The following TENT2 variants were observed in gnomAD, a reference collection of about 807,000 sequenced individuals.
The protein encoded by TENT2 is poly(A) RNA polymerase GLD2.
A neutral mutation model predicts 72.2 loss-of-function variants in TENT2; 44 were observed. The observed-to-expected ratio is 0.61, with a 90% CI of 0.48 to 0.78. The LOEUF is 0.78. TENT2 is among the 30% of genes least tolerant of loss of function. The probability of loss-of-function intolerance (pLI) is 0.00; values close to 1 mark genes in which losing one functional copy is unlikely to be tolerated. For missense variants in TENT2, 541 were observed against 569.6 expected, an observed-to-expected ratio of 0.95 and a Z score of 0.51; for synonymous variants, 212 against 192.5, an observed-to-expected ratio of 1.10 and a Z score of -0.84.
intron 1 of TENT2, among the ~76,000 whole-genome samples, chr5:79,617,926 T>C (rs139982963): frequency 1.5e-3 from 235 of 152,298 alleles, no homozygotes; most frequent in African/African-American, 5.5e-3. Flanking sequence ...ACATGTAACT[T>C]TTTTACTGTG....
intron 13 of TENT2, among the ~76,000 whole-genome samples, 156 bp downstream of exon 13, chr5:79,679,826 T>A (rs1820324643): frequency 6.6e-6 from 1 of 152,192 alleles, no homozygotes; most frequent in Non-Finnish European, 1.5e-5. Context: ...TCATTTAAAA[T>A]TTTTTAGGTA....
chr5:79,679,405 G>T (rs1315428964), intron 12 of TENT2, among the ~76,000 whole-genome samples, 174 bp from the exon 13 acceptor site: 1 of 151,376 alleles, frequency 6.6e-6, no homozygotes, highest in Non-Finnish European at 1.5e-5. Context: ...GATGATAAGT[G>T]TTGTGGAAAA....
At chr5:79,649,024 A>G in intron 9 of TENT2, 38 bp from the exon 10 acceptor site, 1 of 1,599,226 alleles carries the variant, frequency 6.3e-7, no homozygotes, top group Non-Finnish European at 8.6e-7. Flanking sequence ...AGAAACTATA[A>G]CGTCTCTTAC....
chr5:79,624,515 C>T (rs1452498853), intron 4 of TENT2, among the ~76,000 whole-genome samples: 1 of 152,100 alleles, frequency 6.6e-6, no homozygotes, highest in African/African-American at 2.4e-5. Context: ...TGCAACTGTA[C>T]TATCTGATTC....
intron 12 of TENT2, among the ~76,000 whole-genome samples, chr5:79,676,611 AAG>A: frequency 6.6e-6 from 1 of 152,194 alleles, no homozygotes; most frequent in African/African-American, 2.4e-5. Context: ...AGAATGGCTA[AAG>A]AGAGTTTATT....
At chr5:79,664,606 AAAAAG>A (rs1206941134) in intron 11 of TENT2, among the ~76,000 whole-genome samples, 2 of 151,896 alleles carry the variant, frequency 1.3e-5, no homozygotes, top group African/African-American at 4.8e-5. Flanking sequence ...AAAAAAAAAA[AAAAAG>A]AGGTTAACAA....
intron 4 of TENT2, 122 bp from the exon 5 acceptor site, chr5:79,640,729 A>G (rs1380846837): frequency 3.8e-6 from 2 of 531,888 alleles, no homozygotes; most frequent in South Asian, 3.3e-5. Flanking sequence ...GGGAAATATT[A>G]AGAAGATAAT....
At chr5:79,639,477 GT>G (rs368927693) in intron 4 of TENT2, among the ~76,000 whole-genome samples, 186 of 145,158 alleles carry the variant, frequency 1.3e-3, no homozygotes, top group Middle Eastern at 3.5e-3. Flanking sequence ...AGTGAAGGTG[GT>G]TTTTTTTTTT....
chr5:79,627,542 A>G (rs1771376355), intron 4 of TENT2, among the ~76,000 whole-genome samples: 1 of 152,094 alleles, frequency 6.6e-6, no homozygotes, highest in Non-Finnish European at 1.5e-5. Context: ...CTCAAGTGTA[A>G]TGGCACAATC....
intron 12 of TENT2, among the ~76,000 whole-genome samples, chr5:79,677,742 CATT>C (rs924407678): frequency 9.2e-5 from 14 of 152,186 alleles, no homozygotes; most frequent in South Asian, 2.1e-4. Context: ...CCCCTCTTCA[CATT>C]GTTGTTGTAA....
Position 79,648,314 on chromosome 5 carries a change from GA to G in TENT2, c.822-292del, listed in dbSNP as rs963937048. Among the ~76,000 whole-genome samples, 37 of 142,814 alleles carry G rather than the reference GA, an allele frequency of 2.6e-4. 1 individual carries two copies. Among genetic ancestry groups the G allele is most frequent in the South Asian group, 8.8e-4 (4 of 4,534 alleles). 93.7% of individuals were successfully genotyped at this position (142,814 alleles called of 152,430 possible). On this transcript the variant is annotated intron_variant, in intron 8 of 14. Transcript: ENST00000453514. The stretch of plus-strand genomic sequence containing the variant: ...CAGAGCGAGACTCCATCTCTTTAAA[GA>G]AAAAAAAAAAGATTTAAAAATTTTA...
At chr5:79,679,165 A>G (rs371372487) in intron 12 of TENT2, among the ~76,000 whole-genome samples, 4 of 152,044 alleles carry the variant, frequency 2.6e-5, no homozygotes, top group East Asian at 3.9e-4. Context: ...CAGCCTCCCA[A>G]AGTGCTGAGA....
intron 12 of TENT2, among the ~76,000 whole-genome samples, chr5:79,673,612 A>AT (rs1481461015): frequency 3.6e-4 from 55 of 151,914 alleles, no homozygotes; most frequent in African/African-American, 1.2e-3. Flanking sequence ...AGATGTATGG[A>AT]TTTATTTTGG....
At chr5:79,656,576 A>G (rs965501569) in intron 10 of TENT2, among the ~76,000 whole-genome samples, 8 of 151,952 alleles carry the variant, frequency 5.3e-5, no homozygotes, top group Non-Finnish European at 1.0e-4. Flanking sequence ...TTAAAATTGT[A>G]GTTTTTGATT....
At chr5:79,635,721 A>AT (rs1779580235) in intron 4 of TENT2, among the ~76,000 whole-genome samples, 1 of 152,016 alleles carries the variant, frequency 6.6e-6, no homozygotes, top group African/African-American at 2.4e-5. Context: ...CACCTGGCTA[A>AT]TTTTTTGTAT....
At chr5:79,667,125 C>A (rs1211286404) in intron 11 of TENT2, among the ~76,000 whole-genome samples, 1 of 152,056 alleles carries the variant, frequency 6.6e-6, no homozygotes, top group East Asian at 1.9e-4. Flanking sequence ...TAATTGCTGA[C>A]CTTTTTCTTT....
Position 79,666,414 on chromosome 5 carries a change from G to A in TENT2, c.1072-2478G>A, listed in dbSNP as rs572400935. The stretch of plus-strand genomic sequence containing the variant: ...GCGATAAGGTCTTGCTCAAGCTGGA[G>A]TGCAGTGGTGCAATGATGAGCCCTC... On this transcript the variant is annotated intron_variant, in intron 11 of 14. Coordinates refer to ENST00000453514, the MANE Select transcript of TENT2 (RefSeq NM_001114394.3). Among the ~76,000 whole-genome samples, 6 of 151,032 alleles carry A rather than the reference G, an allele frequency of 4.0e-5. No individual in the cohort carries two copies. In the South Asian group the frequency reaches 6.3e-4, roughly 16 times the overall value.
At position 79,687,018 on chromosome 5, in the gene TENT2, C is replaced by A. The variant is rs1826257805; in HGVS notation, c.*1745C>A. ...ACTTTCAGGGATGGGTAAGTATGTACCCTCTGCCTCTACAGTATTATGACA... is the reference window on the plus strand; with the variant it reads ...ACTTTCAGGGATGGGTAAGTATGTAACCTCTGCCTCTACAGTATTATGACA... On this transcript the variant is annotated 3_prime_UTR_variant, in exon 15 of 15. Transcript: ENST00000453514. Among the ~76,000 whole-genome samples the A allele has an allele frequency of 6.6e-6, 1 of 152,070 alleles. No homozygotes were observed.
chr5:79,685,237 T>C lies in TENT2; in HGVS notation c.1419T>C (p.Ser473=), dbSNP rs796584202. 1.9e-6 allele frequency: 3 copies of C among 1,605,572 alleles called. No individual in the cohort carries two copies. Among genetic ancestry groups the C allele is most frequent in the East Asian group, 2.2e-5 (1 of 44,658 alleles). The change falls in exon 15 of 15, where the codon AGT becomes AGC. Residue 473 remains serine (S), a synonymous_variant. Coordinates refer to ENST00000453514, the MANE Select transcript of TENT2 (RefSeq NM_001114394.3). ...TGAAAAACAAGAGAGATTTGAACAG[T>C]ATACTACCTGTAAGAGCTGCTGTCC... ...HRLKNKRDLN[S]ILPVRAAVLK... is the part of the protein sequence containing the mutation.
Sources: allele counts gnomAD v4.1 joint callset (sites outside exome capture counted in the v4.1 genomes callset), GRCh38; gene constraint gnomAD v4.1.1; transcripts MANE v1.5; gene names NCBI Gene and HGNC (gene_info 2026-07-23, HGNC 2026-07-21).